Variants in UTRN observed in about 807,000 individuals in gnomAD.
UTRN encodes dystrophin-related protein 1.
Under a neutral mutation model 463.9 loss-of-function variants are expected in UTRN, and 283 were observed. The ratio of observed to expected loss-of-function variants is 0.61; its 90% confidence interval spans 0.55 to 0.67. The LOEUF (loss-of-function observed/expected upper bound fraction) is 0.67, where lower values mean the gene tolerates loss of function less well. Among genes scored for constraint, UTRN ranks in the 30% least tolerant of loss-of-function variants. UTRN has a pLI of 0.00. For missense variants in UTRN, 3,922 were observed against 4,084.3 expected (o/e 0.96, Z 1.08); for synonymous variants, 1,442 against 1,431.5 (o/e 1.01, Z -0.17).
chr6:144,304,273 G>A (rs60083419), intron 2 of UTRN, among the ~76,000 whole-genome samples: 9,191 of 152,124 alleles, frequency 0.06, 905 homozygotes, highest in African/African-American at 0.21. Context: ...ACACTTGCAA[G>A]CATTCTTGGG....
At chr6:144,568,623 A>G (rs1005520990) in intron 50 of UTRN, among the ~76,000 whole-genome samples, 3 of 152,158 alleles carry the variant, frequency 2.0e-5, no homozygotes, top group South Asian at 4.1e-4. Flanking sequence ...CGATCGGCAC[A>G]CTACTCATCT....
At chr6:144,548,066 G>T (rs1585216027) in intron 46 of UTRN, among the ~76,000 whole-genome samples, 2 of 152,088 alleles carry the variant, frequency 1.3e-5, no homozygotes, top group East Asian at 3.9e-4. Context: ...TTCTGACTCA[G>T]TAATTCTACT....
chr6:144,754,912 T>A lies in UTRN; in HGVS notation c.8434+114T>A, dbSNP rs4243473. On this transcript the variant is annotated intron_variant, in intron 57 of 74. Coordinates refer to ENST00000367545, the MANE Select transcript of UTRN (RefSeq NM_007124.3). ...TAAATATGTTTATTTAGATAGATCCTTGTAAGGAGGTACTAACATCAAAGA... is the reference window on the plus strand; with the variant it reads ...TAAATATGTTTATTTAGATAGATCCATGTAAGGAGGTACTAACATCAAAGA... 0.35 allele frequency: 330,958 copies of A among 958,788 alleles called. 75,253 individuals carry two copies. The highest frequency in any genetic ancestry group is 0.87 in the East Asian group (32,925 of 37,684). The allele number at this position is 958,788 out of a possible 1,614,324, so 59.4% of individuals were successfully genotyped here.
chr6:144,660,374 G>T (rs1207779252), intron 51 of UTRN: 5 of 433,952 alleles, frequency 1.2e-5, no homozygotes, highest in East Asian at 1.4e-4. Context: ...ACTCTTTGGT[G>T]GTTTAGTATA....
chr6:144,628,471 C>G (rs1180651116), intron 51 of UTRN, among the ~76,000 whole-genome samples: 1 of 152,116 alleles, frequency 6.6e-6, no homozygotes, highest in Non-Finnish European at 1.5e-5. Context: ...GGTTTCTATC[C>G]CACAAGAATT....
intron 59 of UTRN, among the ~76,000 whole-genome samples, chr6:144,773,193 A>T (rs1293268740): frequency 6.6e-6 from 1 of 152,148 alleles, no homozygotes; most frequent in South Asian, 2.1e-4. Flanking sequence ...TTGTAGGATC[A>T]TTTGAACCAG....
intron 54 of UTRN, among the ~76,000 whole-genome samples, chr6:144,732,229 T>C (rs1213258967): frequency 2.2e-5 from 1 of 45,534 alleles, no homozygotes; most frequent in African/African-American, 9.6e-5. Flanking sequence ...TATATATATA[T>C]ATATATATAC....
At chr6:144,342,420 G>A (rs1777212285) in intron 2 of UTRN, among the ~76,000 whole-genome samples, 3 of 151,536 alleles carry the variant, frequency 2.0e-5, no homozygotes, top group South Asian at 2.1e-4. Context: ...CATCAAAAAC[G>A]TGTACACAAA....
chr6:144,541,106 C>T (rs931475516), intron 45 of UTRN, among the ~76,000 whole-genome samples: 1 of 152,198 alleles, frequency 6.6e-6, no homozygotes, highest in African/African-American at 2.4e-5. Flanking sequence ...GACAAAGCAG[C>T]CAATATGATT....
chr6:144,779,017 C>G (rs1005777240), intron 60 of UTRN, among the ~76,000 whole-genome samples: 10 of 152,144 alleles, frequency 6.6e-5, no homozygotes, highest in Admixed American at 2.0e-4. Flanking sequence ...AAATTGAAGA[C>G]ATGATAGTCT....
Position 144,699,473 on chromosome 6 carries a change from G to GTTTTTTTTTTTTTT in UTRN, c.7653-600_7653-587dup, listed in dbSNP as rs71024902. Among the ~76,000 whole-genome samples the GTTTTTTTTTTTTTT allele has an allele frequency of 5.0e-4, 34 of 67,606 alleles. 2 individuals are homozygous for GTTTTTTTTTTTTTT. The highest frequency in any genetic ancestry group is 2.1e-3 in the Admixed American group (7 of 3,398). The allele number at this position is 67,606 out of a possible 152,430, so 44.4% of individuals were successfully genotyped here. A position where few individuals can be genotyped will look rare whatever the true frequency, so the allele number is the denominator to read the frequency against. ...AAATAATAATAATAATTAGTCAGTG[G>GTTTTTTTTTTTTTT]TTTTTTTTTTTTTTTTTTTTTTTTT... On this transcript the variant is annotated intron_variant, in intron 52 of 74. Transcript: ENST00000367545.
intron 52 of UTRN, among the ~76,000 whole-genome samples, chr6:144,681,212 A>G (rs1336444067): frequency 1.3e-5 from 2 of 152,188 alleles, no homozygotes; most frequent in Non-Finnish European, 2.9e-5. Flanking sequence ...TCTGCTCTTC[A>G]AAAGAGAGCA....
rs1162827853 is a variant in UTRN at position 144,414,960 on chromosome 6, C to T, written c.142-6918C>T. Among the ~76,000 whole-genome samples the T allele has an allele frequency of 1.3e-5, 2 of 152,166 alleles. 1 individual carries two copies. The highest frequency in any genetic ancestry group is 1.3e-4 in the Admixed American group (2 of 15,278). ...AACTCCCAACCTCAGGTGATCCACC[C>T]GCCTTGGCCTCCCAAAGTGCTGGGA... On this transcript the variant is annotated intron_variant, in intron 3 of 74. Transcript: ENST00000367545.
Position 144,421,940 on chromosome 6 carries a change from T to C in UTRN, c.204T>C (p.Asp68=). ...TCAAAGATGGAAGGAAGCTATTGGA[T>C]CTTCTAGAAGGCCTCACAGGAACAT... The part of the protein sequence containing the change: ...TDLKDGRKLL[D]LLEGLTGTSL... The change falls in exon 4 of 75, where the codon GAT becomes GAC. Residue 68 remains aspartate (D), a synonymous_variant. Transcript: ENST00000367545. 6.2e-7 allele frequency: 1 copy of C among 1,613,000 alleles called. No homozygotes were observed. Among genetic ancestry groups the C allele is most frequent in the Non-Finnish European group, 8.5e-7 (1 of 1,179,502 alleles).
intron 51 of UTRN, among the ~76,000 whole-genome samples, chr6:144,611,567 A>G (rs1039966924): frequency 3.3e-5 from 5 of 152,190 alleles, no homozygotes; most frequent in African/African-American, 1.2e-4. Flanking sequence ...ACCTATGACA[A>G]ATTATCCAAA....
rs1585113756 is a variant in UTRN at position 144,523,105 on chromosome 6, T to C, written c.5823T>C (p.Pro1941=). The C allele has an allele frequency of 1.2e-6, 2 of 1,613,632 alleles. No homozygotes were observed. The highest frequency in any genetic ancestry group is 1.7e-6 in the Non-Finnish European group (2 of 1,179,760). ...QPDVILEASG[P]EAIQIRDTLT... Reference sequence around the variant, plus strand: ...ATGTCATCCTTGAAGCCTCTGGACCTGAAGCCATTCAGATCAGAGATACAC... The same window carrying C: ...ATGTCATCCTTGAAGCCTCTGGACCCGAAGCCATTCAGATCAGAGATACAC... The change falls in exon 41 of 75, where the codon CCT becomes CCC. Residue 1941 remains proline (P), a synonymous_variant. Transcript: ENST00000367545.
intron 64 of UTRN, among the ~76,000 whole-genome samples, chr6:144,799,073 A>G (rs370719880): frequency 6.6e-6 from 1 of 152,240 alleles, no homozygotes; most frequent in African/African-American, 2.4e-5. Context: ...CAGAAGATCA[A>G]GTACCAATAC....
At chr6:144,471,202 G>C (rs1309130337) in intron 23 of UTRN, among the ~76,000 whole-genome samples, 1 of 152,082 alleles carries the variant, frequency 6.6e-6, no homozygotes, top group Non-Finnish European at 1.5e-5. Flanking sequence ...GGGTCTGCGT[G>C]TATTAGAGAG....
intron 69 of UTRN, among the ~76,000 whole-genome samples, chr6:144,831,949 T>A (rs191486976): frequency 3.6e-4 from 55 of 151,304 alleles, no homozygotes; most frequent in African/African-American, 1.3e-3. Flanking sequence ...CAAAAGTTCA[T>A]TGAATGAATC....
Sources: allele counts gnomAD v4.1 joint callset (sites outside exome capture counted in the v4.1 genomes callset), GRCh38; gene constraint gnomAD v4.1.1; transcripts MANE v1.5; gene names NCBI Gene and HGNC (gene_info 2026-07-23, HGNC 2026-07-21).